Variants in GPC5 observed in about 807,000 individuals in gnomAD.
The protein encoded by GPC5 is glypican 5.
In GPC5, 47 loss-of-function variants were observed where a neutral mutation model predicts 53.9. The observed-to-expected ratio is 0.87, with a 90% CI of 0.69 to 1.11. The LOEUF is 1.11. Ranked by LOEUF, GPC5 falls within the 50% of genes most tolerant of loss-of-function variation. The pLI is 0.00. For missense variants in GPC5, 748 were observed against 713.1 expected (o/e 1.05, Z -0.56); for synonymous variants, 286 against 263.3 (o/e 1.09, Z -0.84).
chr13:91,762,167 C>T (rs368135629), intron 5 of GPC5, among the ~76,000 whole-genome samples: 2 of 152,134 alleles, frequency 1.3e-5, no homozygotes, highest in East Asian at 3.8e-4. Flanking sequence ...TGACCCTTTT[C>T]CTCAACTGGT....
At chr13:92,349,176 T>C (rs1268339201) in intron 7 of GPC5, among the ~76,000 whole-genome samples, 3 of 152,178 alleles carry the variant, frequency 2.0e-5, no homozygotes, top group Non-Finnish European at 2.9e-5. Context: ...GGAGTTTCAC[T>C]CTTGTTGCCC....
At chr13:91,645,520 C>T (rs2034537339) in intron 2 of GPC5, among the ~76,000 whole-genome samples, 1 of 152,206 alleles carries the variant, frequency 6.6e-6, no homozygotes, top group Admixed American at 6.5e-5. Flanking sequence ...GTAGGACCCT[C>T]AAGTCCCTTT....
intron 2 of GPC5, among the ~76,000 whole-genome samples, chr13:91,501,857 C>A (rs1884657212): frequency 6.6e-6 from 1 of 152,200 alleles, no homozygotes; most frequent in African/African-American, 2.4e-5. Context: ...TTTACAGTTC[C>A]ACCAACAGTG....
intron 6 of GPC5, among the ~76,000 whole-genome samples, chr13:92,016,735 T>G (rs2040710883): frequency 6.6e-6 from 1 of 151,934 alleles, no homozygotes; most frequent in South Asian, 2.1e-4. Context: ...TTCTTTTTTT[T>G]TTTTTCTTTT....
chr13:91,858,104 A>T (rs966645011), intron 5 of GPC5, among the ~76,000 whole-genome samples: 2 of 151,726 alleles, frequency 1.3e-5, no homozygotes, highest in African/African-American at 4.8e-5. Context: ...TTTGCAAACA[A>T]GGATAATTTG....
At chr13:91,551,051 A>T (rs1204285389) in intron 2 of GPC5, among the ~76,000 whole-genome samples, 1 of 152,242 alleles carries the variant, frequency 6.6e-6, no homozygotes, top group African/African-American at 2.4e-5. Flanking sequence ...TAGTTTTCTC[A>T]TTCACAAAAT....
rs553401213 is a variant in GPC5 at position 91,424,114 on chromosome 13, T to C, written c.164-24647T>C. Among the ~76,000 whole-genome samples, 262 of 152,276 alleles carry C rather than the reference T, an allele frequency of 1.7e-3. 1 individual carries two copies. The highest frequency in any genetic ancestry group is 6.1e-3 in the African/African-American group (255 of 41,558). ...TGATTCTAAATCATAAATCTGATGT[T>C]GAATTTCTGGAGGTAATCAGGAAGT... On this transcript the variant is annotated intron_variant, in intron 1 of 7. Transcript: ENST00000377067.
At chr13:92,021,599 T>C (rs926752375) in intron 6 of GPC5, among the ~76,000 whole-genome samples, 1 of 152,218 alleles carries the variant, frequency 6.6e-6, no homozygotes, top group African/African-American at 2.4e-5. Flanking sequence ...CTTAAACTTT[T>C]GTTAAGAGGC....
chr13:92,666,123 C>T (rs984794200), intron 7 of GPC5, among the ~76,000 whole-genome samples: 1 of 152,138 alleles, frequency 6.6e-6, no homozygotes, highest in African/African-American at 2.4e-5. Flanking sequence ...TTGTAAATTA[C>T]TTTATCCATC....
intron 7 of GPC5, among the ~76,000 whole-genome samples, chr13:92,271,594 C>T (rs912828858): frequency 6.6e-6 from 1 of 152,080 alleles, no homozygotes; most frequent in Admixed American, 6.6e-5. Flanking sequence ...AAGTTGTAAT[C>T]CTCTAAATAT....
chr13:92,068,831 A>G (rs1205031566), intron 6 of GPC5, among the ~76,000 whole-genome samples: 1 of 151,792 alleles, frequency 6.6e-6, no homozygotes. Flanking sequence ...AATTCATACA[A>G]CATAATATTT....
intron 6 of GPC5, among the ~76,000 whole-genome samples, chr13:91,958,043 T>G (rs1464165653): frequency 2.0e-5 from 3 of 151,404 alleles, no homozygotes; most frequent in African/African-American, 7.3e-5. Flanking sequence ...TAACCTTGAA[T>G]ATAAACATAT....
chr13:92,863,000 C>T (rs950664889), intron 7 of GPC5, among the ~76,000 whole-genome samples: 9 of 152,210 alleles, frequency 5.9e-5, no homozygotes, highest in Non-Finnish European at 1.0e-4. Flanking sequence ...CATTCTGATT[C>T]GTCATCATTA....
chr13:92,775,127 G>A (rs1875753927), intron 7 of GPC5, among the ~76,000 whole-genome samples: 1 of 152,114 alleles, frequency 6.6e-6, no homozygotes, highest in South Asian at 2.1e-4. Flanking sequence ...TTCATTTATG[G>A]TCTTGTCCTG....
chr13:91,744,202 A>G (rs191753992), intron 4 of GPC5, among the ~76,000 whole-genome samples: 18 of 152,250 alleles, frequency 1.2e-4, no homozygotes, highest in African/African-American at 2.9e-4. Context: ...CTTATCACAT[A>G]AACATATTTT....
At chr13:91,997,176 T>C (rs900438270) in intron 6 of GPC5, among the ~76,000 whole-genome samples, 6 of 152,170 alleles carry the variant, frequency 3.9e-5, no homozygotes, top group African/African-American at 1.2e-4. Context: ...GAACCACCTG[T>C]ATATATGATG....
intron 7 of GPC5, among the ~76,000 whole-genome samples, chr13:92,501,846 A>G (rs1282500052): frequency 2.0e-5 from 3 of 152,108 alleles, no homozygotes; most frequent in Non-Finnish European, 4.4e-5. Context: ...AGAATTCTAA[A>G]TCATGTAAAA....
At chr13:91,867,865 G>A (rs1024529884) in intron 5 of GPC5, among the ~76,000 whole-genome samples, 20 of 152,128 alleles carry the variant, frequency 1.3e-4, no homozygotes, top group African/African-American at 4.8e-4. Flanking sequence ...TTTCCCACTG[G>A]AAATGCTGTC....
chr13:91,906,987 TA>T (rs1410452837), intron 5 of GPC5, among the ~76,000 whole-genome samples: 1 of 149,936 alleles, frequency 6.7e-6, no homozygotes, highest in Non-Finnish European at 1.5e-5. Context: ...ATTTTTTATA[TA>T]TTTTATATAT....
Sources: allele counts gnomAD v4.1 joint callset (sites outside exome capture counted in the v4.1 genomes callset), GRCh38; gene constraint gnomAD v4.1.1; transcripts MANE v1.5; gene names NCBI Gene and HGNC (gene_info 2026-07-23, HGNC 2026-07-21).